The following HMHB1 variants were observed in gnomAD, a reference collection of about 807,000 sequenced individuals.
HMHB1 encodes minor histocompatibility protein HB-1.
HMHB1 carries 4 observed loss-of-function variants against 2.4 expected under a neutral mutation model. The observed-to-expected ratio is 1.65, with a 90% CI of 0.81 to 3.77. The LOEUF (loss-of-function observed/expected upper bound fraction) is 3.77, where lower values mean the gene tolerates loss of function less well. Ranked by LOEUF, HMHB1 falls within the 30% of genes most tolerant of loss-of-function variation. The probability of loss-of-function intolerance (pLI) is 0.01; values close to 1 mark genes in which losing one functional copy is unlikely to be tolerated. For missense variants in HMHB1, 57 were observed against 44.2 expected (o/e 1.29, Z -0.82); for synonymous variants, 22 against 17.6 (o/e 1.25, Z -0.63).
At chr5:143,815,735 T>C (rs1759740713) in intron 1 of HMHB1, among the ~76,000 whole-genome samples, 1 of 142,884 alleles carries the variant, frequency 7.0e-6, no homozygotes, top group Non-Finnish European at 1.5e-5. Flanking sequence ...AGTCTCGCTC[T>C]GTCGCCCAGG....
At chr5:143,820,455 T>A in intron 1 of HMHB1, 25 bp from the exon 2 acceptor site, 1 of 1,437,832 alleles carries the variant, frequency 7.0e-7, no homozygotes, top group South Asian at 1.1e-5. Flanking sequence ...AGCTCAAGTC[T>A]CAGCTAAGCC....
At chr5:143,819,065 C>T (rs1486153211) in intron 1 of HMHB1, among the ~76,000 whole-genome samples, 1 of 152,200 alleles carries the variant, frequency 6.6e-6, no homozygotes, top group Non-Finnish European at 1.5e-5. Context: ...CCTCCAACTC[C>T]CACCTCTCTG....
chr5:143,812,846 G>A (rs1401148787), intron 1 of HMHB1, among the ~76,000 whole-genome samples: 1 of 152,100 alleles, frequency 6.6e-6, no homozygotes, highest in Non-Finnish European at 1.5e-5. Flanking sequence ...ACTTGAGGGG[G>A]GTATAGCTTT....
chr5:143,813,346 C>A (rs1360331998), intron 1 of HMHB1, among the ~76,000 whole-genome samples: 1 of 152,206 alleles, frequency 6.6e-6, no homozygotes, highest in Non-Finnish European at 1.5e-5. Context: ...GCAAAATAAA[C>A]CACTCCCTTT....
In HMHB1 at chr5:143,820,318, T is replaced by TAAA. The variant is rs60960654; in HGVS notation, c.38-132_38-130dup. On this transcript the variant is annotated intron_variant, in intron 1 of 1. Coordinates refer to ENST00000289448, the MANE Select transcript of HMHB1 (RefSeq NM_021182.3). Reference sequence around the variant, plus strand: ...AGGTGCTGCCCCGGCTCATCATAAGTAAAAAAAAAAAAAAAAAAAAAAAAA... The same window carrying TAAA: ...AGGTGCTGCCCCGGCTCATCATAAGTAAAAAAAAAAAAAAAAAAAAAAAAAAAA... Among the ~76,000 whole-genome samples the TAAA allele has an allele frequency of 7.4e-3, 350 of 47,570 alleles. 4 individuals are homozygous for TAAA. Among genetic ancestry groups the TAAA allele is most frequent in the Middle Eastern group, 0.014 (1 of 72 alleles). The allele number at this position is 47,570 out of a possible 152,430, so 31.2% of individuals were successfully genotyped here.
At chr5:143,814,942 G>T (rs1759731308) in intron 1 of HMHB1, among the ~76,000 whole-genome samples, 1 of 152,158 alleles carries the variant, frequency 6.6e-6, no homozygotes, top group Admixed American at 6.5e-5. Flanking sequence ...GCTCTCATTT[G>T]TTGATATTTG....
chr5:143,817,542 C>T (rs890138380), intron 1 of HMHB1, among the ~76,000 whole-genome samples: 2 of 152,150 alleles, frequency 1.3e-5, no homozygotes, highest in African/African-American at 4.8e-5. Context: ...TTCTGGTTCT[C>T]TATTCTGTTC....
intron 1 of HMHB1, among the ~76,000 whole-genome samples, chr5:143,813,363 C>T (rs111459914): frequency 6.6e-6 from 1 of 152,114 alleles, no homozygotes; most frequent in Non-Finnish European, 1.5e-5. Context: ...CTTTTTGGTG[C>T]CCTCATAGTT....
At position 143,820,580 on chromosome 5, in the gene HMHB1, A is replaced by C; in HGVS notation, c.*12A>C. On this transcript the variant is annotated 3_prime_UTR_variant, in exon 2 of 2. Coordinates refer to ENST00000289448, the MANE Select transcript of HMHB1 (RefSeq NM_021182.3). ...CTTATAGGCTTTGACACTGCTGTTG[A>C]GGTTTGACTCGAAGCCCAGAGTTTT... 1 of 1,579,996 alleles carries C rather than the reference A, an allele frequency of 6.3e-7. No homozygotes were observed. The highest frequency in any genetic ancestry group is 1.3e-5 in the African/African-American group (1 of 74,320).
In HMHB1 at chr5:143,812,197, C is replaced by T; in HGVS notation, c.-71C>T. On this transcript the variant is annotated 5_prime_UTR_variant, in exon 1 of 2. Coordinates refer to ENST00000289448, the MANE Select transcript of HMHB1 (RefSeq NM_021182.3). ...GAGGCCGAGGCGGCTTGCCCCGCAT[C>T]TCAGAAGCCGGGCAGGCCCTGAGCC... 1 of 1,466,988 alleles carries T rather than the reference C, an allele frequency of 6.8e-7. No individual in the cohort carries two copies. Among genetic ancestry groups the T allele is most frequent in the South Asian group, 1.2e-5 (1 of 80,512 alleles). 90.9% of individuals were successfully genotyped at this position (1,466,988 alleles called of 1,614,324 possible).
intron 1 of HMHB1, among the ~76,000 whole-genome samples, chr5:143,819,715 T>C (rs535952572): frequency 6.6e-6 from 1 of 152,206 alleles, no homozygotes; most frequent in East Asian, 1.9e-4. Context: ...ATTGAACATT[T>C]AGATTTTATC....
At chr5:143,818,155 T>C (rs796505213) in intron 1 of HMHB1, among the ~76,000 whole-genome samples, 63 of 152,336 alleles carry the variant, frequency 4.1e-4, no homozygotes, top group African/African-American at 1.4e-3. Flanking sequence ...CAAAAAATTA[T>C]TGAACTTCTA....
At chr5:143,816,245 T>G (rs1377213301) in intron 1 of HMHB1, among the ~76,000 whole-genome samples, 1 of 152,202 alleles carries the variant, frequency 6.6e-6, no homozygotes, top group East Asian at 1.9e-4. Flanking sequence ...GTAGGTGGTG[T>G]TTGGTTACAT....
At chr5:143,813,189 G>C (rs1008380156) in intron 1 of HMHB1, among the ~76,000 whole-genome samples, 6 of 152,252 alleles carry the variant, frequency 3.9e-5, no homozygotes, top group Admixed American at 3.3e-4. Flanking sequence ...CAGTTGCACA[G>C]GTAGCCCACA....
intron 1 of HMHB1, among the ~76,000 whole-genome samples, chr5:143,815,395 C>G (rs759470295): frequency 1.3e-5 from 2 of 152,192 alleles, no homozygotes; most frequent in Non-Finnish European, 2.9e-5. Context: ...TGCTCATGGT[C>G]CCATCTTCCG....
At chr5:143,820,377 A>C in intron 1 of HMHB1, 103 bp from the exon 2 acceptor site, 1 of 505,530 alleles carries the variant, frequency 2.0e-6, no homozygotes, top group Non-Finnish European at 3.6e-6. Flanking sequence ...TAAAAAGCTA[A>C]CACAAGTCCT....
At chr5:143,817,212 A>G (rs529483280) in intron 1 of HMHB1, among the ~76,000 whole-genome samples, 3 of 152,198 alleles carry the variant, frequency 2.0e-5, no homozygotes, top group East Asian at 1.9e-4. Flanking sequence ...TAGTTTAATT[A>G]AGTCCCAGCT....
intron 1 of HMHB1, among the ~76,000 whole-genome samples, chr5:143,816,867 C>T (rs1759755120): frequency 1.3e-5 from 2 of 152,198 alleles, no homozygotes; most frequent in African/African-American, 4.8e-5. Flanking sequence ...CCAGCATCTA[C>T]TGTGCTTTGA....
At position 143,812,298 on chromosome 5, in the gene HMHB1, A is replaced by G; in HGVS notation, c.31A>G (p.Lys11Glu). The stretch of plus-strand genomic sequence containing the variant: ...GGAGCAGCCAGAATGCAGAGAAGAA[A>G]AAAGAGGTGAGGGAGCGAGGAGGAG... Residue 11 changes from lysine (K) to glutamate (E), a missense_variant, in exon 1 of 2, where the codon AAA (lysine) becomes GAA (glutamate). Coordinates refer to ENST00000289448, the MANE Select transcript of HMHB1 (RefSeq NM_021182.3). The G allele has an allele frequency of 6.4e-7, 1 of 1,551,770 alleles. No homozygotes were observed. The highest frequency in any genetic ancestry group is 8.7e-7 in the Non-Finnish European group (1 of 1,146,976).
Sources: gnomAD v4.1 joint callset for allele counts (sites outside exome capture counted in the v4.1 genomes callset) on GRCh38, gnomAD v4.1.1 for gene constraint, MANE v1.5 for transcripts, NCBI Gene and HGNC (gene_info 2026-07-23, HGNC 2026-07-21) for gene names.